PDE1C: variants seen among roughly 807,000 people sequenced by gnomAD.
PDE1C encodes the protein dual specificity calcium/calmodulin-dependent 3',5'-cyclic nucleotide phosphodiesterase 1C.
PDE1C carries 62 observed loss-of-function variants against 93.1 expected under a neutral mutation model. The observed-to-expected ratio is 0.67, with a 90% CI of 0.54 to 0.82. The LOEUF (loss-of-function observed/expected upper bound fraction) is 0.82, where lower values mean the gene tolerates loss of function less well. Ranked by LOEUF, PDE1C falls within the 40% of genes least tolerant of loss-of-function variation. The probability of loss-of-function intolerance (pLI) is 0.00; values close to 1 mark genes in which losing one functional copy is unlikely to be tolerated. For synonymous variants in PDE1C, 325 were observed against 310.1 expected, an observed-to-expected ratio of 1.05 and a Z score of -0.50; for missense variants, 742 against 884.6, an observed-to-expected ratio of 0.84 and a Z score of 2.04.
chr7:32,078,976 G>A (rs1432271162), intron 3 of PDE1C, among the ~76,000 whole-genome samples: 1 of 152,086 alleles, frequency 6.6e-6, no homozygotes, highest in Admixed American at 6.5e-5. Context: ...TGCCAATAGG[G>A]AAGCATTAAA....
At chr7:32,255,409 C>A (rs6977000) in intron 1 of PDE1C, among the ~76,000 whole-genome samples, 1 of 152,068 alleles carries the variant, frequency 6.6e-6, no homozygotes, top group East Asian at 1.9e-4. Context: ...AACTTGAGAG[C>A]GCATCAGAAA....
intron 1 of PDE1C, among the ~76,000 whole-genome samples, chr7:32,265,534 C>T (rs1337830580): frequency 1.3e-5 from 2 of 152,092 alleles, no homozygotes; most frequent in African/African-American, 2.4e-5. Context: ...AAAGTAGAGC[C>T]AACAGATAGA....
At chr7:31,687,927 C>G in the PDE1C span, among the ~76,000 whole-genome samples, 1 of 152,164 alleles carries the variant, frequency 6.6e-6, no homozygotes, top group African/African-American at 2.4e-5. Flanking sequence ...AGCTAAGTGT[C>G]AACTCGCTTC....
chr7:32,136,592 T>C (rs1366817781), intron 3 of PDE1C, among the ~76,000 whole-genome samples: 1 of 152,192 alleles, frequency 6.6e-6, no homozygotes, highest in Non-Finnish European at 1.5e-5. Flanking sequence ...TGGTTCCAAA[T>C]GGCTCAATGT....
intron 12 of PDE1C, among the ~76,000 whole-genome samples, chr7:31,826,883 C>T (rs1002410837): frequency 1.3e-5 from 2 of 152,168 alleles, no homozygotes; most frequent in East Asian, 1.9e-4. Context: ...GCCATATCAT[C>T]GCTATCAAAA....
chr7:32,411,337 C>T (rs1468380661), intron 1 of PDE1C, among the ~76,000 whole-genome samples: 1 of 152,224 alleles, frequency 6.6e-6, no homozygotes, highest in Non-Finnish European at 1.5e-5. Context: ...CAAACCTAGA[C>T]AGTATAGCCT....
the PDE1C span, among the ~76,000 whole-genome samples, chr7:31,716,398 A>C: frequency 1.3e-5 from 2 of 152,238 alleles, no homozygotes; most frequent in African/African-American, 4.8e-5. Context: ...AGGGAGGGTC[A>C]GCTATTACCA....
Position 32,374,160 on chromosome 7 carries a change from G to GAGAA in PDE1C, c.310+53658_310+53661dup, listed in dbSNP as rs764590020. Among the ~76,000 whole-genome samples the GAGAA allele has an allele frequency of 7.7e-4, 30 of 38,900 alleles. 1 individual carries two copies. The highest frequency in any genetic ancestry group is 3.9e-3 in the African/African-American group (30 of 7,606). 25.5% of individuals were successfully genotyped at this position (38,900 alleles called of 152,430 possible). Reference sequence around the variant, plus strand: ...GAGACGAAAGAATGAAAGAAAGAAAGAGAAAGAAAGAAAGAAAGAAAGAAA... The same window carrying GAGAA: ...GAGACGAAAGAATGAAAGAAAGAAAGAGAAAGAAAGAAAGAAAGAAAGAAAGAAA... On this transcript the variant is annotated intron_variant, in intron 1 of 1. Transcript: ENST00000672256.
rs191310609 is a variant in PDE1C, at chr7:32,078,669, A to C, written c.308+91116T>G. The stretch of plus-strand genomic sequence containing the variant: ...GCCAGGCATGGTAGCTCACACCTAT[A>C]ATCCCGGCACTTTGGGAGGCCGAGG... On this transcript the variant is annotated intron_variant, in intron 3 of 18. Transcript: ENST00000396193. 1.4e-4 allele frequency among the ~76,000 whole-genome samples: 22 copies of C among 152,298 alleles called. No individual in the cohort carries two copies. In the East Asian group the frequency reaches 4.2e-3, roughly 29 times the overall value.
intron 2 of PDE1C, among the ~76,000 whole-genome samples, chr7:31,982,562 A>G (rs1293273832): frequency 6.6e-6 from 1 of 152,120 alleles, no homozygotes; most frequent in Non-Finnish European, 1.5e-5. Context: ...TTTTTTTAGC[A>G]TAAAAACAGA....
At chr7:31,837,997 A>T (rs777233571) in intron 9 of PDE1C, 26 bp from the exon 10 acceptor site, 1 of 1,452,978 alleles carries the variant, frequency 6.9e-7, no homozygotes, top group South Asian at 1.2e-5. Context: ...ATGGAGAAAA[A>T]AGGATGGAAG....
At chr7:32,104,859 G>A (rs1369154669) in intron 3 of PDE1C, among the ~76,000 whole-genome samples, 3 of 152,188 alleles carry the variant, frequency 2.0e-5, no homozygotes, top group African/African-American at 4.8e-5. Context: ...CAAAGTATAA[G>A]TGACTAATGA....
intron 1 of PDE1C, among the ~76,000 whole-genome samples, chr7:32,328,636 A>C (rs1585111245): frequency 6.8e-6 from 1 of 148,016 alleles, no homozygotes; most frequent in African/African-American, 2.5e-5. Flanking sequence ...CCCATCCTCC[A>C]CCCCCCATCC....
chr7:32,270,449 C>G (rs1489713996), intron 1 of PDE1C, among the ~76,000 whole-genome samples: 1 of 152,100 alleles, frequency 6.6e-6, no homozygotes, highest in African/African-American at 2.4e-5. Flanking sequence ...ATATAAAAGG[C>G]TTCTCAGGAA....
intron 2 of PDE1C, among the ~76,000 whole-genome samples, chr7:32,039,871 A>C (rs1184378283): frequency 1.3e-5 from 2 of 152,184 alleles, no homozygotes; most frequent in Non-Finnish European, 2.9e-5. Flanking sequence ...TGTTTCATTT[A>C]AGACCTGTGA....
intron 7 of PDE1C, among the ~76,000 whole-genome samples, chr7:31,854,695 A>G (rs1191044142): frequency 6.6e-6 from 1 of 152,170 alleles, no homozygotes; most frequent in African/African-American, 2.4e-5. Context: ...TGACTTTTCT[A>G]TGTGAATGAT....
intron 3 of PDE1C, among the ~76,000 whole-genome samples, chr7:32,161,545 G>T (rs986547700): frequency 6.8e-6 from 1 of 147,288 alleles, no homozygotes; most frequent in Non-Finnish European, 1.5e-5. Context: ...TGACCCCCAG[G>T]GGTAGTTTGG....
intron 1 of PDE1C, among the ~76,000 whole-genome samples, chr7:32,405,355 G>A (rs1055875848): frequency 1.3e-5 from 2 of 150,894 alleles, no homozygotes; most frequent in Non-Finnish European, 2.9e-5. Flanking sequence ...AGGTTCAAGC[G>A]ATTCTCCTGC....
chr7:31,877,631 T>A (rs1220028384), intron 5 of PDE1C, among the ~76,000 whole-genome samples: 1 of 150,126 alleles, frequency 6.7e-6, no homozygotes, highest in Admixed American at 6.7e-5. Context: ...ATACTGAAGA[T>A]CCTCCTAATG....
Sources: gnomAD v4.1 joint callset for allele counts (sites outside exome capture counted in the v4.1 genomes callset) on GRCh38, gnomAD v4.1.1 for gene constraint, MANE v1.5 for transcripts, NCBI Gene and HGNC (gene_info 2026-07-23, HGNC 2026-07-21) for gene names.